Variants in KLF7 observed in about 807,000 individuals in gnomAD.
The protein encoded by KLF7 is Krueppel-like factor 7.
Under a neutral mutation model 27.3 loss-of-function variants are expected in KLF7, and 2 were observed. The ratio of observed to expected loss-of-function variants is 0.07; its 90% CI spans 0.03 to 0.23. The LOEUF is 0.23. Ranked by LOEUF, KLF7 falls within the 10% of genes least tolerant of loss-of-function variation. KLF7 has a pLI of 1.00. For missense variants in KLF7, 221 were observed against 394.1 expected, an observed-to-expected ratio of 0.56 and a Z score of 3.72; for synonymous variants, 165 against 162.4, an observed-to-expected ratio of 1.02 and a Z score of -0.12.
At chr2:207,169,183 G>T (rs2078768564), upstream of KLF7, among the ~76,000 whole-genome samples, 1 of 152,160 alleles carries the variant, frequency 6.6e-6, no homozygotes, top group Non-Finnish European at 1.5e-5. Flanking sequence ...GCCTTGGGAG[G>T]TGTTCATTTT....
chr2:207,154,129 T>C, intron 1 of KLF7, among the ~76,000 whole-genome samples: 1 of 152,166 alleles, frequency 6.6e-6, no homozygotes, highest in East Asian at 1.9e-4. Context: ...GCTTCCATTA[T>C]GTCTTATTTG....
Position 207,078,951 on chromosome 2 carries a change from T to C in KLF7, c.*2262A>G, listed in dbSNP as rs2076220896. 3 of 152,248 alleles carry C rather than the reference T, an allele frequency of 2.0e-5. No individual in the cohort carries two copies. The highest frequency in any genetic ancestry group is 1.3e-4 in the Admixed American group (2 of 15,290). The allele number at this position is 152,248 out of a possible 1,614,324, so 9.4% of individuals were successfully genotyped here. A position where few individuals can be genotyped will look rare whatever the true frequency, so the allele number is the denominator to read the frequency against. Reference sequence around the variant, plus strand: ...TCTTTGGAATAAAACTGATTTTTAATACCCTCCAACTAACATACATACAAT... The same window carrying C: ...TCTTTGGAATAAAACTGATTTTTAACACCCTCCAACTAACATACATACAAT... On this transcript the variant is annotated 3_prime_UTR_variant, in exon 4 of 4. Transcript: ENST00000309446.
intron 1 of KLF7, among the ~76,000 whole-genome samples, chr2:207,161,873 T>A (rs758581045): frequency 6.6e-6 from 1 of 152,292 alleles, no homozygotes. Context: ...CCAGTAGCAG[T>A]GGAAAATTTT....
At chr2:207,129,461 T>A (rs1406059714) in intron 1 of KLF7, among the ~76,000 whole-genome samples, 3 of 152,196 alleles carry the variant, frequency 2.0e-5, no homozygotes, top group Admixed American at 6.5e-5. Context: ...TATTGATGAG[T>A]CACAGATGAG....
In KLF7 at chr2:207,077,969, T is replaced by C. The variant is rs528917279; in HGVS notation, c.*3244A>G. 16 of 152,202 alleles carry C rather than the reference T, an allele frequency of 1.1e-4. No individual in the cohort carries two copies. Among genetic ancestry groups the C allele is most frequent in the Non-Finnish European group, 1.9e-4 (13 of 68,024 alleles). The allele number at this position is 152,202 out of a possible 1,614,324, so 9.4% of individuals were successfully genotyped here. ...CAACTGAAATGAGAAAGGGGTTTAA[T>C]GTGTTTCAAATGTCCATTAATGCAC... On this transcript the variant is annotated 3_prime_UTR_variant, in exon 4 of 4. Transcript: ENST00000309446.
intron 3 of KLF7, among the ~76,000 whole-genome samples, chr2:207,083,327 CTTCT>C (rs2076317395): frequency 6.6e-6 from 1 of 152,114 alleles, no homozygotes; most frequent in Non-Finnish European, 1.5e-5. Context: ...TTCTTTCTTC[CTTCT>C]TTTTCTCTCT....
intron 2 of KLF7, among the ~76,000 whole-genome samples, chr2:207,113,867 T>G (rs1033486518): frequency 7.2e-5 from 11 of 152,302 alleles, no homozygotes; most frequent in Admixed American, 7.2e-4. Context: ...CAGCGACCAT[T>G]ATTTTATCCC....
chr2:207,119,608 A>G (rs1260925830), intron 2 of KLF7, among the ~76,000 whole-genome samples: 1 of 152,212 alleles, frequency 6.6e-6, no homozygotes, highest in African/African-American at 2.4e-5. Context: ...AGAGTAGGAG[A>G]GAAAGGTCTG....
At chr2:207,146,024 A>G (rs887977125) in intron 1 of KLF7, among the ~76,000 whole-genome samples, 1 of 152,192 alleles carries the variant, frequency 6.6e-6, no homozygotes, top group African/African-American at 2.4e-5. Context: ...GAGTGTGACC[A>G]TTCTAATGTC....
In KLF7 at chr2:207,124,231, G is replaced by A. The variant is rs144177325; in HGVS notation, c.276C>T (p.Ser92=). 1.1e-5 allele frequency: 17 copies of A among 1,614,144 alleles called. No homozygotes were observed. In the East Asian group the frequency reaches 3.8e-4, roughly 36 times the overall value. ...LPVEAAICEK[S]SAVDILLSRD... ...GAGAGAGCAAGATGTCCACTGCCGA[G>A]CTCTTCTCACAGATGGCCGCTTCCA... The change falls in exon 2 of 4, where the codon AGC becomes AGT. Residue 92 remains serine (S), a synonymous_variant. Coordinates refer to ENST00000309446, the MANE Select transcript of KLF7 (RefSeq NM_003709.4).
chr2:207,161,402 T>C (rs1308611371), intron 1 of KLF7, among the ~76,000 whole-genome samples: 3 of 152,242 alleles, frequency 2.0e-5, no homozygotes, highest in Non-Finnish European at 2.9e-5. Context: ...AAGGCTCCTT[T>C]GTGTCTACAA....
chr2:207,134,161 T>TTTTTTA, intron 1 of KLF7: 1 of 1,477,048 alleles, frequency 6.8e-7, no homozygotes, highest in Non-Finnish European at 8.9e-7. Context: ...GGGATTTTTT[T>TTTTTTA]TTTTTTTTTT....
At chr2:207,098,729 C>A (rs1239336560) in intron 2 of KLF7, among the ~76,000 whole-genome samples, 1 of 151,552 alleles carries the variant, frequency 6.6e-6, no homozygotes. Context: ...TGAGTTCAGC[C>A]TCCCAAAGTA....
At chr2:207,134,062 C>G in intron 1 of KLF7, 2 of 1,535,576 alleles carry the variant, frequency 1.3e-6, no homozygotes, top group South Asian at 2.4e-5. Flanking sequence ...CCCCTTTACA[C>G]TCACTGGCCA....
At position 207,079,309 on chromosome 2, in the gene KLF7, T is replaced by C. The variant is rs2076229695; in HGVS notation, c.*1904A>G. 1.3e-5 allele frequency: 2 copies of C among 152,198 alleles called. No individual in the cohort carries two copies. Among genetic ancestry groups the C allele is most frequent in the African/African-American group, 4.8e-5 (2 of 41,444 alleles). The allele number at this position is 152,198 out of a possible 1,614,324, so 9.4% of individuals were successfully genotyped here. A position where few individuals can be genotyped will look rare whatever the true frequency, so the allele number is the denominator to read the frequency against. ...GTCATATATGTGTTTGTGTTTCTTA[T>C]ATTATTTCCTTTTGACTTCAGTTTT... On this transcript the variant is annotated 3_prime_UTR_variant, in exon 4 of 4. Coordinates refer to ENST00000309446, the MANE Select transcript of KLF7 (RefSeq NM_003709.4).
chr2:207,157,219 T>TGAAAAA (rs1491268311), intron 1 of KLF7, among the ~76,000 whole-genome samples: 1 of 87,288 alleles, frequency 1.1e-5, no homozygotes. Context: ...AACAGAAAAG[T>TGAAAAA]AAAAAAAAAA....
rs188076190 is a variant in KLF7, at chr2:207,108,177, C to A, written c.733+15597G>T. Among the ~76,000 whole-genome samples, 131 of 152,214 alleles carry A rather than the reference C, an allele frequency of 8.6e-4. 1 individual carries two copies. The highest frequency in any genetic ancestry group is 3.4e-3 in the Middle Eastern group (1 of 294). On this transcript the variant is annotated intron_variant, in intron 2 of 3. Transcript: ENST00000309446. ...TATTCTTTTTGGATAAGGTGCACAC[C>A]AGGAAAACCACAAAAACAAAAATAA... is the stretch of plus-strand genomic sequence containing the variant.
upstream of KLF7, among the ~76,000 whole-genome samples, chr2:207,168,615 C>T (rs2106168009): frequency 6.6e-6 from 1 of 152,314 alleles, no homozygotes; most frequent in African/African-American, 2.4e-5. Flanking sequence ...TCCATTGAGA[C>T]TTTTCCTATG....
chr2:207,170,285 C>G (rs1416881179), upstream of KLF7, among the ~76,000 whole-genome samples: 1 of 152,162 alleles, frequency 6.6e-6, no homozygotes, highest in Admixed American at 6.5e-5. Context: ...AACCCTGACT[C>G]TCTTCAATAT....
Sources: allele counts gnomAD v4.1 joint callset (sites outside exome capture counted in the v4.1 genomes callset), GRCh38; gene constraint gnomAD v4.1.1; transcripts MANE v1.5; gene names NCBI Gene and HGNC (gene_info 2026-07-23, HGNC 2026-07-21).